Variants in CCDC171 observed in about 807,000 individuals in gnomAD.
The protein encoded by CCDC171 is coiled-coil domain-containing protein 171.
Under a neutral mutation model 168.2 loss-of-function variants are expected in CCDC171, and 177 were observed. The observed-to-expected ratio is 1.05, with a 90% CI of 0.93 to 1.19. The LOEUF (loss-of-function observed/expected upper bound fraction) is 1.19. Among genes scored for constraint, CCDC171 ranks in the 50% most tolerant of loss-of-function variants. The pLI, the probability that CCDC171 is intolerant of heterozygous loss-of-function variation, is 0.00. For missense variants in CCDC171, 1,991 were observed against 1,539.0 expected, an observed-to-expected ratio of 1.29 and a Z score of -4.91; for synonymous variants, 687 against 540.8, an observed-to-expected ratio of 1.27 and a Z score of -3.75.
At chr9:15,823,231 G>T (rs10810452) in intron 21 of CCDC171, among the ~76,000 whole-genome samples, 1 of 151,688 alleles carries the variant, frequency 6.6e-6, no homozygotes, top group Non-Finnish European at 1.5e-5. Flanking sequence ...GTTAAATGAC[G>T]AGATAAAGGG....
At chr9:15,581,192 C>T (rs944510808) in intron 4 of CCDC171, among the ~76,000 whole-genome samples, 2 of 151,930 alleles carry the variant, frequency 1.3e-5, no homozygotes, top group Admixed American at 6.6e-5. Flanking sequence ...TTGCTACAAA[C>T]AGAATAAAAT....
chr9:16,032,920 G>C (rs981692124), intron 6 of CCDC171, among the ~76,000 whole-genome samples: 1 of 152,186 alleles, frequency 6.6e-6, no homozygotes, highest in African/African-American at 2.4e-5. Context: ...GGTTTAATGA[G>C]CTCTAAAAGC....
chr9:16,072,246 A>T, the CCDC171 span, among the ~76,000 whole-genome samples: 3 of 152,268 alleles, frequency 2.0e-5, no homozygotes, highest in East Asian at 5.8e-4. Flanking sequence ...TTGGGTAGAA[A>T]GCTTTGAGAA....
intron 1 of CCDC171, among the ~76,000 whole-genome samples, chr9:16,043,565 C>G (rs116466871): frequency 5.9e-5 from 9 of 152,162 alleles, no homozygotes; most frequent in African/African-American, 2.2e-4. Flanking sequence ...TTCTTTTACA[C>G]CTGCATGAAG....
rs771440609 is a variant in CCDC171 at position 15,591,563 on chromosome 9, T to C, written c.543+7T>C. The C allele has an allele frequency of 1.3e-5, 19 of 1,450,850 alleles. No homozygotes were observed. Among genetic ancestry groups the C allele is most frequent in the Non-Finnish European group, 1.8e-5 (19 of 1,063,428 alleles). The allele number at this position is 1,450,850 out of a possible 1,614,324, so 89.9% of individuals were successfully genotyped here. A position where few individuals can be genotyped will look rare whatever the true frequency, so the allele number is the denominator to read the frequency against. On this transcript the variant is annotated splice_region_variant and intron_variant, in intron 5 of 25. Coordinates refer to ENST00000380701, the MANE Select transcript of CCDC171 (RefSeq NM_173550.4). Reference sequence around the variant, plus strand: ...ACTAGAGAAAACTCTACAGGTAAAATAGTTTTTATAAAGGAATTTTCCGAT... The same window carrying C: ...ACTAGAGAAAACTCTACAGGTAAAACAGTTTTTATAAAGGAATTTTCCGAT...
Position 15,777,671 on chromosome 9 carries a change from A to G in CCDC171, c.2743A>G (p.Lys915Glu), listed in dbSNP as rs1564387487. Residue 915 changes from lysine to glutamate, a missense_variant, in exon 19 of 26, where the codon AAA becomes GAA. Physicochemically the swap from Lys to Glu is moderately conservative, Grantham distance 56. Transcript: ENST00000380701. ...AKNSFAKLMD[K>E]ISLVMECIPL... ...GAATTCTTTTGCAAAACTCATGGAT[A>G]AAATTAGTCTGGTAATGGAATGTAT... is the stretch of plus-strand genomic sequence containing the variant. 1.2e-6 allele frequency: 2 copies of G among 1,614,074 alleles called. No homozygotes were observed. The highest frequency in any genetic ancestry group is 1.7e-5 in the Admixed American group (1 of 60,000).
chr9:15,688,118 C>CAA lies in CCDC171; in HGVS notation c.1216-7097_1216-7096dup, dbSNP rs33945014. ...TGGGCAACAGAGCAAGACTCCATCT[C>CAA]AAAAAAAAAAAAAAAAAAAAAGAAA... On this transcript the variant is annotated intron_variant, in intron 10 of 25. Transcript: ENST00000380701. Among the ~76,000 whole-genome samples the CAA allele has an allele frequency of 8.2e-3, 782 of 94,812 alleles. 11 individuals carry two copies. Among genetic ancestry groups the CAA allele is most frequent in the African/African-American group, 0.029 (741 of 25,428 alleles). 62.2% of individuals were successfully genotyped at this position (94,812 alleles called of 152,430 possible). A position where few individuals can be genotyped will look rare whatever the true frequency, so the allele number is the denominator to read the frequency against.
At chr9:15,852,319 C>G (rs2061164115) in intron 23 of CCDC171, among the ~76,000 whole-genome samples, 1 of 151,644 alleles carries the variant, frequency 6.6e-6, no homozygotes, top group African/African-American at 2.4e-5. Context: ...TTTGTATTTT[C>G]CTAATGACTA....
rs551526479 is a variant in CCDC171, at chr9:15,682,139, G to A, written c.1215+3243G>A. Among the ~76,000 whole-genome samples, 14 of 152,082 alleles carry A rather than the reference G, an allele frequency of 9.2e-5. No homozygotes were observed. The South Asian group carries it at 1.0e-3, about 11-fold the overall frequency. ...GTCACTATCCTCTATAGGTTTACTCGTGAGATCAAGGTGTTATTAATAAGA... is the reference window on the plus strand; with the variant it reads ...GTCACTATCCTCTATAGGTTTACTCATGAGATCAAGGTGTTATTAATAAGA... On this transcript the variant is annotated intron_variant, in intron 10 of 25. Transcript: ENST00000380701.
intron 24 of CCDC171, among the ~76,000 whole-genome samples, chr9:15,880,387 T>C (rs1935221): frequency 0.78 from 118,030 of 151,778 alleles, 46,642 homozygotes; most frequent in East Asian, 0.85. Flanking sequence ...AGTGATCTTA[T>C]GGCTTATGAA....
At chr9:15,657,468 A>G (rs2048026117) in intron 8 of CCDC171, among the ~76,000 whole-genome samples, 1 of 152,152 alleles carries the variant, frequency 6.6e-6, no homozygotes, top group African/African-American at 2.4e-5. Context: ...TGTCTTGTCC[A>G]TAGCTACTTT....
At chr9:15,919,557 A>G (rs1224250968) in intron 24 of CCDC171, among the ~76,000 whole-genome samples, 3 of 151,652 alleles carry the variant, frequency 2.0e-5, no homozygotes, top group Non-Finnish European at 3.0e-5. Context: ...TTAAAAAGGC[A>G]TAATAGTATC....
intron 24 of CCDC171, among the ~76,000 whole-genome samples, chr9:15,876,414 C>T (rs768035479): frequency 3.9e-5 from 6 of 152,048 alleles, no homozygotes; most frequent in Admixed American, 1.3e-4. Context: ...TCACAATGAG[C>T]CTGTCAAATA....
intron 10 of CCDC171, among the ~76,000 whole-genome samples, chr9:15,694,803 G>C (rs73644695): frequency 0.027 from 4,095 of 152,240 alleles, 180 homozygotes; most frequent in African/African-American, 0.094. Flanking sequence ...ACTGTCACTT[G>C]ACTGCTGCAG....
intron 4 of CCDC171, among the ~76,000 whole-genome samples, chr9:15,585,949 C>G (rs1013622317): frequency 6.6e-6 from 1 of 152,058 alleles, no homozygotes; most frequent in Admixed American, 6.6e-5. Context: ...GCACTCTAGC[C>G]TGGATGACAG....
intron 3 of CCDC171, among the ~76,000 whole-genome samples, chr9:15,996,901 T>C (rs1161059782): frequency 6.6e-6 from 1 of 152,152 alleles, no homozygotes; most frequent in African/African-American, 2.4e-5. Flanking sequence ...AGATACATCA[T>C]GCATTAAGAA....
the CCDC171 span, among the ~76,000 whole-genome samples, chr9:16,075,630 A>C: frequency 7.2e-5 from 11 of 152,194 alleles, no homozygotes; most frequent in Admixed American, 4.6e-4. Flanking sequence ...GCTCCAAGAC[A>C]TGGTGCTTCA....
chr9:15,830,033 G>A (rs1242133679), intron 21 of CCDC171, among the ~76,000 whole-genome samples: 4 of 152,150 alleles, frequency 2.6e-5, no homozygotes, highest in Admixed American at 6.6e-5. Flanking sequence ...CTTCAGTAGC[G>A]AAGTTGGTGT....
the CCDC171 span, among the ~76,000 whole-genome samples, chr9:16,072,556 A>G: frequency 6.6e-6 from 1 of 152,170 alleles, no homozygotes; most frequent in Admixed American, 6.5e-5. Flanking sequence ...TACAAAGCTC[A>G]TATCTAGCTG....
Sources: gnomAD v4.1 joint callset for allele counts (sites outside exome capture counted in the v4.1 genomes callset) on GRCh38, gnomAD v4.1.1 for gene constraint, MANE v1.5 for transcripts, NCBI Gene and HGNC (gene_info 2026-07-23, HGNC 2026-07-21) for gene names.